The following SNTG1 variants were observed in gnomAD, a reference collection of about 807,000 sequenced individuals.
The protein encoded by SNTG1 is gamma-1-syntrophin.
In SNTG1, 39 loss-of-function variants were observed where a neutral mutation model predicts 74.7. The observed-to-expected ratio is 0.52, with a 90% CI of 0.40 to 0.68. The LOEUF is 0.68. Among genes scored for constraint, SNTG1 ranks in the 30% least tolerant of loss-of-function variants. SNTG1 has a pLI of 0.00. For missense variants in SNTG1, 685 were observed against 609.5 expected (o/e 1.12, Z -1.30); for synonymous variants, 254 against 217.1 (o/e 1.17, Z -1.49).
chr8:50,245,228 A>T (rs1191166812), intron 2 of SNTG1, among the ~76,000 whole-genome samples: 2 of 152,042 alleles, frequency 1.3e-5, no homozygotes, highest in East Asian at 3.9e-4. Context: ...CTTCTCTCAC[A>T]CTCCTGAAAG....
chr8:50,376,254 C>T (rs4534138), intron 2 of SNTG1, among the ~76,000 whole-genome samples: 38,933 of 152,046 alleles, frequency 0.26, 5,314 homozygotes, highest in South Asian at 0.35. Flanking sequence ...TACACATCCT[C>T]CACTTCATAT....
At chr8:50,466,668 A>G (rs2093611067) in intron 8 of SNTG1, among the ~76,000 whole-genome samples, 2 of 152,006 alleles carry the variant, frequency 1.3e-5, no homozygotes, top group African/African-American at 4.8e-5. Flanking sequence ...ATCCATGAAC[A>G]TGGAACGTCT....
chr8:49,916,192 TACAC>T (rs68125934), intron 1 of SNTG1, among the ~76,000 whole-genome samples: 5 of 151,220 alleles, frequency 3.3e-5, no homozygotes, highest in South Asian at 2.1e-4. Flanking sequence ...TTTTGTCAAA[TACAC>T]ACACACACAC....
At chr8:50,479,722 C>G (rs1359755110) in intron 8 of SNTG1, among the ~76,000 whole-genome samples, 3 of 152,108 alleles carry the variant, frequency 2.0e-5, no homozygotes, top group Non-Finnish European at 4.4e-5. Flanking sequence ...TCCTCTTCAG[C>G]TGTCCCCCAT....
Position 50,647,186 on chromosome 8 carries a change from A to G in SNTG1, c.850-9723A>G, listed in dbSNP as rs182825287. On this transcript the variant is annotated intron_variant, in intron 13 of 18. Coordinates refer to ENST00000642720, the MANE Select transcript of SNTG1 (RefSeq NM_018967.5). ...TCTCAGATACAACACAAAAACCATAATCCATGAAAGAAATAATTAATTTAT... is the reference window on the plus strand; with the variant it reads ...TCTCAGATACAACACAAAAACCATAGTCCATGAAAGAAATAATTAATTTAT... 3.8e-3 allele frequency among the ~76,000 whole-genome samples: 571 copies of G among 152,246 alleles called. 1 individual carries two copies. The highest frequency in any genetic ancestry group is 7.1e-3 in the Non-Finnish European group (481 of 68,016).
intron 2 of SNTG1, among the ~76,000 whole-genome samples, chr8:50,366,511 G>A (rs1050659327): frequency 9.9e-5 from 15 of 151,674 alleles, no homozygotes; most frequent in African/African-American, 3.6e-4. Flanking sequence ...ATAATCCTGA[G>A]TTTTTCCCTA....
chr8:50,514,250 C>A (rs1226342239), intron 9 of SNTG1, among the ~76,000 whole-genome samples: 1 of 151,830 alleles, frequency 6.6e-6, no homozygotes, highest in African/African-American at 2.4e-5. Flanking sequence ...CTTCTGCTAC[C>A]TTGGGTTTAG....
chr8:50,606,844 T>C (rs923552425), intron 13 of SNTG1, among the ~76,000 whole-genome samples: 2 of 151,914 alleles, frequency 1.3e-5, no homozygotes. Flanking sequence ...CTTATGCCTT[T>C]TTTTTATTTC....
intron 2 of SNTG1, among the ~76,000 whole-genome samples, chr8:50,260,991 C>G (rs570043462): frequency 2.0e-5 from 3 of 152,214 alleles, no homozygotes; most frequent in Admixed American, 6.5e-5. Flanking sequence ...GCAACAGTTA[C>G]TGATAGTGAC....
intron 1 of SNTG1, among the ~76,000 whole-genome samples, chr8:50,167,212 T>C (rs1364672193): frequency 1.4e-5 from 2 of 146,686 alleles, no homozygotes; most frequent in African/African-American, 5.1e-5. Context: ...GCATGGCACA[T>C]GTATACATAT....
intron 17 of SNTG1, among the ~76,000 whole-genome samples, chr8:50,749,778 A>G (rs1487584636): frequency 6.6e-6 from 1 of 151,958 alleles, no homozygotes; most frequent in Non-Finnish European, 1.5e-5. Flanking sequence ...ATTGACACCC[A>G]CTGCTTCGAA....
At chr8:50,587,486 T>C (rs1427985585) in intron 12 of SNTG1, among the ~76,000 whole-genome samples, 1 of 152,176 alleles carries the variant, frequency 6.6e-6, no homozygotes, top group African/African-American at 2.4e-5. Context: ...TCCACTTACT[T>C]TATACTCTCT....
intron 2 of SNTG1, among the ~76,000 whole-genome samples, chr8:50,176,590 A>G (rs899494495): frequency 1.3e-5 from 2 of 152,172 alleles, no homozygotes; most frequent in Non-Finnish European, 2.9e-5. Context: ...GACTGGAAAA[A>G]AAAGAGTGAC....
chr8:49,960,874 TG>T (rs1810619050), intron 1 of SNTG1, among the ~76,000 whole-genome samples: 1 of 152,168 alleles, frequency 6.6e-6, no homozygotes, highest in African/African-American at 2.4e-5. Flanking sequence ...CCTCTATTCT[TG>T]GGTAGAGTAT....
At chr8:50,262,631 G>A (rs1281325062) in intron 2 of SNTG1, among the ~76,000 whole-genome samples, 2 of 151,964 alleles carry the variant, frequency 1.3e-5, no homozygotes, top group Non-Finnish European at 2.9e-5. Flanking sequence ...GGATGGTCTC[G>A]ATCTCCTGAC....
chr8:50,312,220 A>G (rs1183143271), intron 2 of SNTG1, among the ~76,000 whole-genome samples: 1 of 152,162 alleles, frequency 6.6e-6, no homozygotes, highest in East Asian at 1.9e-4. Flanking sequence ...CTGGGATTTC[A>G]GTGATATTGT....
At chr8:50,523,372 C>T (rs895872812) in intron 9 of SNTG1, among the ~76,000 whole-genome samples, 3 of 152,202 alleles carry the variant, frequency 2.0e-5, no homozygotes, top group African/African-American at 7.2e-5. Context: ...AAGCTTTTGG[C>T]TTATCTTGGC....
At chr8:50,102,964 C>T (rs576590490) in intron 1 of SNTG1, among the ~76,000 whole-genome samples, 68 of 151,124 alleles carry the variant, frequency 4.5e-4, no homozygotes, top group African/African-American at 1.5e-3. Flanking sequence ...TTACTGTAGC[C>T]TTGTAGTATA....
intron 13 of SNTG1, among the ~76,000 whole-genome samples, chr8:50,617,531 C>T (rs916317484): frequency 2.0e-5 from 3 of 152,136 alleles, no homozygotes; most frequent in African/African-American, 7.2e-5. Context: ...CTTCATTGTA[C>T]TCTTGAAGCA....
Sources: allele counts gnomAD v4.1 joint callset (sites outside exome capture counted in the v4.1 genomes callset), GRCh38; gene constraint gnomAD v4.1.1; transcripts MANE v1.5; gene names NCBI Gene and HGNC (gene_info 2026-07-23, HGNC 2026-07-21).